TTLL6: variants seen among roughly 807,000 people sequenced by gnomAD.
The protein encoded by TTLL6 is tubulin polyglutamylase TTLL6.
TTLL6 carries 75 observed loss-of-function variants against 96.4 expected under a neutral mutation model. That is an observed-to-expected ratio of 0.78 (90% CI 0.65 to 0.94). TTLL6 has a LOEUF of 0.94. Ranked by LOEUF, TTLL6 falls within the 40% of genes least tolerant of loss-of-function variation. The pLI is 0.00. For synonymous variants in TTLL6, 411 were observed against 419.4 expected, an observed-to-expected ratio of 0.98 and a Z score of 0.24; for missense variants, 1,030 against 1,093.0, an observed-to-expected ratio of 0.94 and a Z score of 0.81.
chr17:48,790,083 G>A lies in TTLL6; in HGVS notation c.1248C>T (p.Ser416=). ...LLEVNHSPSF[S]TDSRLDKEVK... ...CCTCTTTATCCAACCGAGAGTCGGT[G>A]GAGAAGCTTGGAGAGTGGTTGACCT... Residue 416 remains serine (S), a synonymous_variant, in exon 10 of 16, where the codon TCC becomes TCT. Transcript: ENST00000393382. 6.2e-7 allele frequency: 1 copy of A among 1,613,942 alleles called. No individual in the cohort carries two copies. The highest frequency in any genetic ancestry group is 8.5e-7 in the Non-Finnish European group (1 of 1,179,926).
chr17:48,812,227 T>C (rs1567739255), intron 1 of TTLL6: 1 of 152,136 alleles, frequency 6.6e-6, no homozygotes, highest in Non-Finnish European at 1.5e-5. Context: ...AGCAGTCTTG[T>C]AGCCTTGAGG....
intron 13 of TTLL6, among the ~76,000 whole-genome samples, chr17:48,784,172 C>A (rs2039041737): frequency 6.6e-6 from 1 of 152,108 alleles, no homozygotes; most frequent in African/African-American, 2.4e-5. Context: ...GTCTGTAATA[C>A]CAACACTTTA....
In TTLL6 at chr17:48,791,472, G is replaced by T; in HGVS notation, c.1130C>A (p.Thr377Asn). The T allele has an allele frequency of 6.2e-7, 1 of 1,614,216 alleles. No individual in the cohort carries two copies. Among genetic ancestry groups the T allele is most frequent in the Non-Finnish European group, 8.5e-7 (1 of 1,180,038 alleles). The change falls in exon 9 of 16, where the codon ACC (threonine) becomes AAC (asparagine). Residue 377 changes from threonine to asparagine, a missense_variant. By Grantham distance (65) the Thr-to-Asn change is moderately conservative. Coordinates refer to ENST00000393382, the MANE Select transcript of TTLL6 (RefSeq NM_001130918.3). ...GTTGAGTGTGTGGTTGGGGAAGCAG[G>T]TGTGGTAGTTATGCCTGATGATGGG... The part of the protein sequence containing the change: ...AHPIIRHNYH[T>N]CFPNHTLNSA...
chr17:48,787,811 C>G lies in TTLL6; in HGVS notation c.1589G>C (p.Arg530Pro). 6.2e-7 allele frequency: 1 copy of G among 1,612,988 alleles called. No individual in the cohort carries two copies. ...GACCTCATCCCGGATGTCTTCCTAC[C>G]GGGCATACTCCTCCCGAGCCCTGGA... Reference protein sequence around the residue: ...VASRAREEYARQLIQELRLKR... With the variant: ...VASRAREEYAPQLIQELRLKR... The change falls in exon 11 of 16, where the codon CGG (arginine) becomes CCG (proline). Residue 530 changes from arginine (R) to proline (P), a missense_variant and splice_region_variant. Coordinates refer to ENST00000393382, the MANE Select transcript of TTLL6 (RefSeq NM_001130918.3).
intron 1 of TTLL6, chr17:48,812,158 T>G (rs2039606555): frequency 7.0e-6 from 1 of 143,392 alleles, no homozygotes; most frequent in East Asian, 2.1e-4. Context: ...CACTCCCTGC[T>G]CACCTGGTAG....
intron 9 of TTLL6, among the ~76,000 whole-genome samples, 172 bp downstream of exon 9, chr17:48,791,206 C>T (rs986559732): frequency 5.3e-5 from 8 of 152,184 alleles, no homozygotes; most frequent in Admixed American, 2.0e-4. Flanking sequence ...CTGTCTACCC[C>T]CCTCTGGTGG....
rs780086384 is a variant in TTLL6, at chr17:48,769,090, A to C, written c.2575T>G (p.Cys859Gly). Reference sequence around the variant, plus strand: ...CTCATAGCACTTGCGTGGCTTCTACAAGGCCTTGGATCCAGTTGGGCTGGA... The same window carrying C: ...CTCATAGCACTTGCGTGGCTTCTACCAGGCCTTGGATCCAGTTGGGCTGGA... The part of the protein sequence containing the change: ...ATPAQLDPRP[C>G]RSHASAMRDP... The change falls in exon 15 of 16, where the codon TGT becomes GGT. Residue 859 changes from cysteine to glycine, a missense_variant. Physicochemically the swap from Cys to Gly is radical, Grantham distance 159. Coordinates refer to ENST00000393382, the MANE Select transcript of TTLL6 (RefSeq NM_001130918.3). The C allele has an allele frequency of 1.2e-6, 2 of 1,614,146 alleles. No individual in the cohort carries two copies. Among genetic ancestry groups the C allele is most frequent in the Admixed American group, 3.3e-5 (2 of 60,018 alleles).
At position 48,804,889 on chromosome 17, in the gene TTLL6, C is replaced by G. The variant is rs2039483182; in HGVS notation, c.206G>C (p.Ser69Thr). 3.2e-6 allele frequency: 5 copies of G among 1,552,172 alleles called. No individual in the cohort carries two copies. Among genetic ancestry groups the G allele is most frequent in the Non-Finnish European group, 4.4e-6 (5 of 1,147,124 alleles). ...GGTTTCTTTTGGATCTTCTTTGGAA[C>G]TGTCCCCCTTCTCTTCGGAGTTTTC... ...EGENSEEKGDSSKEDPKETVA... is the reference protein window; with the variant it reads ...EGENSEEKGDTSKEDPKETVA... The change falls in exon 2 of 16, where the codon AGT (serine) becomes ACT (threonine). Residue 69 changes from serine (S) to threonine (T), a missense_variant. Transcript: ENST00000393382.
intron 15 of TTLL6, among the ~76,000 whole-genome samples, chr17:48,767,431 A>G (rs1340892723): frequency 6.6e-6 from 1 of 151,990 alleles, no homozygotes; most frequent in East Asian, 2.0e-4. Context: ...TAAAATGCAG[A>G]TTCCTGGGCT....
In TTLL6 at chr17:48,762,897, A is replaced by G; in HGVS notation, c.*77T>C. On this transcript the variant is annotated 3_prime_UTR_variant, in exon 16 of 16. Coordinates refer to ENST00000393382, the MANE Select transcript of TTLL6 (RefSeq NM_001130918.3). ...TCAGTTGATTCTGTGAACACTGGAG[A>G]CACTGTCGGAAGAGACACATTGTTT... The G allele has an allele frequency of 2.2e-6, 1 of 456,392 alleles. No homozygotes were observed. Among genetic ancestry groups the G allele is most frequent in the South Asian group, 1.6e-5 (1 of 64,482 alleles). The allele number at this position is 456,392 out of a possible 1,614,324, so 28.3% of individuals were successfully genotyped here. A position where few individuals can be genotyped will look rare whatever the true frequency, so the allele number is the denominator to read the frequency against.
At chr17:48,786,831 CT>C (rs11446945) in intron 11 of TTLL6, among the ~76,000 whole-genome samples, 3,666 of 122,356 alleles carry the variant, frequency 0.03, 30 homozygotes, top group African/African-American at 0.043. Flanking sequence ...CTTCTGTCAT[CT>C]TTTTTTTTTT....
chr17:48,782,920 C>T (rs2039016874), intron 13 of TTLL6, among the ~76,000 whole-genome samples: 1 of 151,904 alleles, frequency 6.6e-6, no homozygotes, highest in Non-Finnish European at 1.5e-5. Flanking sequence ...ATCATGTTGC[C>T]GAGGCTGGTC....
At chr17:48,805,683 C>T (rs8073596) in intron 1 of TTLL6, among the ~76,000 whole-genome samples, 22,792 of 152,184 alleles carry the variant, frequency 0.15, 1,948 homozygotes, top group African/African-American at 0.22. Context: ...ACTCAAAATG[C>T]CAAATATCGC....
rs530981165 is a variant in TTLL6, at chr17:48,805,703, C to T, written c.104-712G>A. The stretch of plus-strand genomic sequence containing the variant: ...AAATGCCAAATATCGCCAGGCGCAG[C>T]GGCTCACGCCTGTAATCCCAACACT... On this transcript the variant is annotated intron_variant, in intron 1 of 15. Transcript: ENST00000393382. Among the ~76,000 whole-genome samples, 144 of 152,248 alleles carry T rather than the reference C, an allele frequency of 9.5e-4. 2 individuals carry two copies. In the Middle Eastern group the frequency reaches 0.01, roughly 11 times the overall value.
intron 13 of TTLL6, among the ~76,000 whole-genome samples, chr17:48,784,183 G>A (rs2039041916): frequency 6.6e-6 from 1 of 152,116 alleles, no homozygotes; most frequent in Non-Finnish European, 1.5e-5. Context: ...CAACACTTTA[G>A]GAGGCTTGAG....
intron 13 of TTLL6, among the ~76,000 whole-genome samples, chr17:48,783,175 G>A (rs1429540249): frequency 2.6e-5 from 4 of 152,092 alleles, no homozygotes; most frequent in African/African-American, 9.7e-5. Context: ...AAATAAAGTG[G>A]ATTTCTTACT....
intron 6 of TTLL6, among the ~76,000 whole-genome samples, chr17:48,799,363 G>A (rs2039371133): frequency 6.6e-6 from 1 of 152,230 alleles, no homozygotes; most frequent in South Asian, 2.1e-4. Context: ...TGTGTTACAG[G>A]AAAAGGGCCA....
At chr17:48,803,555 C>A in intron 3 of TTLL6, among the ~76,000 whole-genome samples, 1 of 151,052 alleles carries the variant, frequency 6.6e-6, no homozygotes, top group African/African-American at 2.4e-5. Flanking sequence ...GTCTGTAGAT[C>A]AGATTCAGTT....
intron 13 of TTLL6, among the ~76,000 whole-genome samples, chr17:48,783,123 C>A (rs2039020156): frequency 6.6e-6 from 1 of 151,948 alleles, no homozygotes; most frequent in Non-Finnish European, 1.5e-5. Context: ...AACTTTTTTC[C>A]AGGTGTGTGT....
Sources: gnomAD v4.1 joint callset for allele counts (sites outside exome capture counted in the v4.1 genomes callset) on GRCh38, gnomAD v4.1.1 for gene constraint, MANE v1.5 for transcripts, NCBI Gene and HGNC (gene_info 2026-07-23, HGNC 2026-07-21) for gene names.